CFAP47: variants seen among roughly 807,000 people sequenced by gnomAD.
CFAP47 encodes cilia- and flagella-associated protein 47.
CFAP47 carries 29 observed loss-of-function variants against 148.1 expected under a neutral mutation model. That is an observed-to-expected ratio of 0.20 (90% CI 0.15 to 0.27). The LOEUF (loss-of-function observed/expected upper bound fraction) is 0.27. Ranked by LOEUF, CFAP47 falls within the 10% of genes least tolerant of loss-of-function variation. CFAP47 has a pLI of 1.00. For missense variants in CFAP47, 1,872 were observed against 1,697.5 expected (o/e 1.10, Z -1.81); for synonymous variants, 664 against 577.3 (o/e 1.15, Z -2.15).
At chrX:36,134,370 C>T (rs1450417087) in intron 33 of CFAP47, among the ~76,000 whole-genome samples, 1 of 110,632 alleles carries the variant, frequency 9.0e-6, no homozygotes, top group Admixed American at 9.6e-5. Context: ...TTTGAAAAGG[C>T]GGAAGAAATT....
chrX:36,023,004 G>C (rs1002988995), intron 22 of CFAP47, among the ~76,000 whole-genome samples: 2 of 111,962 alleles, frequency 1.8e-5, no homozygotes, highest in Admixed American at 9.5e-5. Context: ...ATGTTTTCCT[G>C]GGTGGTCCTG....
chrX:36,304,438 T>A (rs1941329876), intron 54 of CFAP47, among the ~76,000 whole-genome samples: 1 of 110,996 alleles, frequency 9.0e-6, no homozygotes, highest in Non-Finnish European at 1.9e-5. Context: ...TCCCCTTGAA[T>A]TTTAATTTAT....
chrX:35,995,192 A>T (rs1033076218), intron 18 of CFAP47, among the ~76,000 whole-genome samples: 6 of 111,418 alleles, frequency 5.4e-5, no homozygotes, highest in Admixed American at 9.6e-5. Flanking sequence ...GGCTTGTGTG[A>T]GAGAGAGAGC....
chrX:35,945,871 CTTT>C (rs34966421), intron 3 of CFAP47, among the ~76,000 whole-genome samples: 1 of 87,704 alleles, frequency 1.1e-5, no homozygotes. Context: ...TTCTCCTTCT[CTTT>C]TTTTTTTTTT....
chrX:36,309,585 G>A (rs1556009511), intron 55 of CFAP47, among the ~76,000 whole-genome samples: 1 of 111,084 alleles, frequency 9.0e-6, no homozygotes, highest in East Asian at 2.8e-4. Context: ...TTGGATGTCA[G>A]TGTTCAATAA....
chrX:36,295,644 A>G (rs1202735044), intron 51 of CFAP47, among the ~76,000 whole-genome samples: 1 of 111,973 alleles, frequency 8.9e-6, no homozygotes, highest in East Asian at 2.8e-4. Flanking sequence ...GAACATATCA[A>G]ATACTTTAAA....
intron 49 of CFAP47, among the ~76,000 whole-genome samples, chrX:36,267,460 A>G (rs924538959): frequency 6.5e-5 from 7 of 106,951 alleles, no homozygotes; most frequent in Non-Finnish European, 1.1e-4. Flanking sequence ...ATTGTTTGCT[A>G]TAAAGTGGTT....
At chrX:36,028,441 T>A (rs1232713846) in intron 22 of CFAP47, among the ~76,000 whole-genome samples, 2 of 111,525 alleles carry the variant, frequency 1.8e-5, no homozygotes, top group African/African-American at 6.5e-5. Flanking sequence ...GTGTTGAATC[T>A]CTAGATTGCT....
At chrX:36,031,171 T>C (rs1435938225) in intron 22 of CFAP47, 82 bp from the exon 23 acceptor site, 4 of 272,507 alleles carry the variant, frequency 1.5e-5, no homozygotes, top group Non-Finnish European at 2.6e-5. Flanking sequence ...TCTTATTGTT[T>C]AGTGTTTTAA....
chrX:36,082,812 A>G lies in CFAP47; in HGVS notation c.4692-2502A>G, dbSNP rs775819200. 1.6e-4 allele frequency among the ~76,000 whole-genome samples: 18 copies of G among 111,703 alleles called. No homozygotes were observed. In the South Asian group the frequency reaches 6.6e-3, roughly 41 times the overall value. On this transcript the variant is annotated intron_variant, in intron 29 of 63. Coordinates refer to ENST00000378653, the MANE Select transcript of CFAP47 (RefSeq NM_001304548.2). ...GTAGAATGTTTTATCTTTCATAACAAGAGGATCTGAAATGAGGAAAATATT... is the reference window on the plus strand; with the variant it reads ...GTAGAATGTTTTATCTTTCATAACAGGAGGATCTGAAATGAGGAAAATATT...
At chrX:36,237,430 A>G (rs1183764707) in intron 48 of CFAP47, among the ~76,000 whole-genome samples, 2 of 110,999 alleles carry the variant, frequency 1.8e-5, no homozygotes, top group African/African-American at 6.6e-5. Context: ...CCTGGGTTCA[A>G]GTGTTTCTTG....
At chrX:36,352,518 T>A (rs1941750914) in intron 59 of CFAP47, among the ~76,000 whole-genome samples, 1 of 111,230 alleles carries the variant, frequency 9.0e-6, no homozygotes, top group Non-Finnish European at 1.9e-5. Flanking sequence ...AATATATTAT[T>A]ATTGATGCCA....
At chrX:36,173,395 G>T (rs1286668453) in intron 39 of CFAP47, among the ~76,000 whole-genome samples, 1 of 111,517 alleles carries the variant, frequency 9.0e-6, no homozygotes, top group Non-Finnish European at 1.9e-5. Flanking sequence ...TGATGTTAGG[G>T]TATCAATTTT....
chrX:36,228,197 C>T (rs1456749866), intron 45 of CFAP47, among the ~76,000 whole-genome samples: 1 of 111,465 alleles, frequency 9.0e-6, no homozygotes, highest in African/African-American at 3.3e-5. Flanking sequence ...TCTATCTCAG[C>T]CCCCTTTCTA....
intron 57 of CFAP47, among the ~76,000 whole-genome samples, chrX:36,332,232 A>AATCC (rs201006605): frequency 0.013 from 1,498 of 111,860 alleles, 18 homozygotes; most frequent in African/African-American, 0.045. Context: ...AATGAAAATC[A>AATCC]ATCCATCAAA....
rs374382585 is a variant in CFAP47, at chrX:36,325,330, A to G, written c.8443+6023A>G. Among the ~76,000 whole-genome samples, 8 of 111,832 alleles carry G rather than the reference A, an allele frequency of 7.2e-5. No homozygotes were observed. The East Asian group carries it at 1.7e-3, about 24-fold the overall frequency. On this transcript the variant is annotated intron_variant, in intron 57 of 63. Transcript: ENST00000378653. ...TAGAGATGAGTATGCTGAGATATAT[A>G]GGAGTTGTGCCCAAGAACTCACAGA...
chrX:36,191,799 A>G (rs1284089007), intron 42 of CFAP47, among the ~76,000 whole-genome samples: 1 of 109,803 alleles, frequency 9.1e-6, no homozygotes, highest in Non-Finnish European at 1.9e-5. Flanking sequence ...CCCTGGCCAC[A>G]TGGTGAAACC....
At chrX:36,003,200 G>T (rs1183287168) in intron 21 of CFAP47, among the ~76,000 whole-genome samples, 3 of 108,730 alleles carry the variant, frequency 2.8e-5, no homozygotes, top group Non-Finnish European at 5.7e-5. Context: ...TCACGTTTTT[G>T]TCCTTTATTA....
chrX:36,085,237 T>C (rs931589131), intron 29 of CFAP47, 77 bp from the exon 30 acceptor site: 2 of 603,996 alleles, frequency 3.3e-6, no homozygotes, highest in Non-Finnish European at 5.4e-6. Flanking sequence ...ATTTAGTCAT[T>C]GAATTGAACA....
Sources: gnomAD v4.1 joint callset for allele counts (sites outside exome capture counted in the v4.1 genomes callset) on GRCh38, gnomAD v4.1.1 for gene constraint, MANE v1.5 for transcripts, NCBI Gene and HGNC (gene_info 2026-07-23, HGNC 2026-07-21) for gene names.